Variants in CDH23 observed in about 807,000 individuals in gnomAD.
CDH23 encodes the protein cadherin related 23.
In CDH23, 189 loss-of-function variants were observed where a neutral mutation model predicts 317.1. The ratio of observed to expected loss-of-function variants is 0.60; its 90% confidence interval spans 0.53 to 0.67. The LOEUF (loss-of-function observed/expected upper bound fraction) is 0.67. Ranked by LOEUF, CDH23 falls within the 30% of genes least tolerant of loss-of-function variation. The pLI is 0.00. For synonymous variants in CDH23, 1,839 were observed against 1,876.8 expected, an observed-to-expected ratio of 0.98 and a Z score of 0.52; for missense variants, 4,401 against 4,592.4, an observed-to-expected ratio of 0.96 and a Z score of 1.20.
At chr10:71,696,844 C>A (rs189399978) in intron 22 of CDH23, among the ~76,000 whole-genome samples, 1 of 152,348 alleles carries the variant, frequency 6.6e-6, no homozygotes, top group East Asian at 1.9e-4. Context: ...GAAACCAGGA[C>A]CCTCGCCCTT....
At chr10:71,708,141 G>T (rs1037530099) in intron 26 of CDH23, among the ~76,000 whole-genome samples, 1 of 152,160 alleles carries the variant, frequency 6.6e-6, no homozygotes, top group Non-Finnish European at 1.5e-5. Flanking sequence ...GTCAGAGTGT[G>T]TCCCTTGCAG....
At position 71,778,324 on chromosome 10, in the gene CDH23, A is replaced by T; in HGVS notation, c.5187+16A>T. The T allele has an allele frequency of 6.2e-7, 1 of 1,613,784 alleles. No homozygotes were observed. The highest frequency in any genetic ancestry group is 1.6e-4 in the Middle Eastern group (1 of 6,062). On this transcript the variant is annotated intron_variant, in intron 40 of 69. Coordinates refer to ENST00000224721, the MANE Select transcript of CDH23 (RefSeq NM_022124.6). ...TACCACCACGGTGGGTGCATGGGAC[A>T]CAGCCCCAACTTGGGCTTGGAGGTT...
intron 9 of CDH23, among the ~76,000 whole-genome samples, chr10:71,591,884 C>T (rs1159832069): frequency 1.3e-5 from 2 of 152,064 alleles, no homozygotes; most frequent in Non-Finnish European, 2.9e-5. Context: ...ACCCACACGG[C>T]AATGTTTTTG....
chr10:71,646,763 TAA>T lies in CDH23; in HGVS notation c.1449+148_1449+149del, dbSNP rs727502921. ...GAGCTGTGTTTGTTGGTGTATTAAA[TAA>T]AGTTTTTGGACTCTTCAGGAAGGGG... On this transcript the variant is annotated intron_variant, in intron 14 of 69. Coordinates refer to ENST00000224721, the MANE Select transcript of CDH23 (RefSeq NM_022124.6). The T allele has an allele frequency of 1.9e-6, 3 of 1,595,948 alleles. No individual in the cohort carries two copies. Among genetic ancestry groups the T allele is most frequent in the South Asian group, 1.1e-5 (1 of 89,776 alleles).
chr10:71,462,232 G>A (rs1307876550), intron 3 of CDH23, among the ~76,000 whole-genome samples: 3 of 152,236 alleles, frequency 2.0e-5, no homozygotes, highest in African/African-American at 7.2e-5. Flanking sequence ...GCCCGGCCCC[G>A]CCTTGTGTGT....
At chr10:71,514,636 C>T (rs1001088846) in intron 6 of CDH23, among the ~76,000 whole-genome samples, 6 of 152,198 alleles carry the variant, frequency 3.9e-5, no homozygotes, top group African/African-American at 1.4e-4. Flanking sequence ...CGTTCCCCTC[C>T]TGCCCACCCC....
intron 14 of CDH23, among the ~76,000 whole-genome samples, chr10:71,658,718 C>T (rs1863521061): frequency 6.6e-6 from 1 of 152,184 alleles, no homozygotes; most frequent in Non-Finnish European, 1.5e-5. Flanking sequence ...AGGTGAGCGG[C>T]GTGTCCCAGG....
At chr10:71,434,566 T>C (rs1849536386) in intron 1 of CDH23, among the ~76,000 whole-genome samples, 1 of 152,114 alleles carries the variant, frequency 6.6e-6, no homozygotes, top group Non-Finnish European at 1.5e-5. Flanking sequence ...ACTCCATGGA[T>C]GCTGTCACTG....
At chr10:71,520,935 G>A (rs781505942) in intron 6 of CDH23, among the ~76,000 whole-genome samples, 7 of 152,164 alleles carry the variant, frequency 4.6e-5, no homozygotes, top group Non-Finnish European at 8.8e-5. Context: ...GGGGGAAAAC[G>A]AGACAGAGCG....
In CDH23 at chr10:71,704,963, T is replaced by C. The variant is rs1298382473; in HGVS notation, c.2786T>C (p.Met929Thr). ...CTGAACGGCCTGGTGTCCTACCGCA[T>C]GCCGGTGGGCATGCCCCGCATGGAC... is the stretch of plus-strand genomic sequence containing the variant. ...EGLNGLVSYR[M>T]PVGMPRMDFL... Residue 929 changes from methionine to threonine, a missense_variant, in exon 25 of 70, where the codon ATG becomes ACG. Transcript: ENST00000224721. 4 of 1,612,908 alleles carry C rather than the reference T, an allele frequency of 2.5e-6. No individual in the cohort carries two copies. The African/African-American group carries it at 4.0e-5, about 16-fold the overall frequency.
chr10:71,798,306 C>A, intron 49 of CDH23, 48 bp from the exon 50 acceptor site: 2 of 1,447,664 alleles, frequency 1.4e-6, no homozygotes, highest in Non-Finnish European at 1.9e-6. Flanking sequence ...CCTGGCCCAG[C>A]CACACTAGTG....
At chr10:71,405,703 GC>G (rs1848066320) in intron 1 of CDH23, among the ~76,000 whole-genome samples, 1 of 152,172 alleles carries the variant, frequency 6.6e-6, no homozygotes, top group African/African-American at 2.4e-5. Context: ...CTCCCAAAGT[GC>G]TGGGATTATA....
At chr10:71,607,525 G>C (rs1860603655) in intron 9 of CDH23, among the ~76,000 whole-genome samples, 1 of 152,242 alleles carries the variant, frequency 6.6e-6, no homozygotes, top group Non-Finnish European at 1.5e-5. Flanking sequence ...CTCAATCTAT[G>C]TTGGCCATTG....
intron 6 of CDH23, among the ~76,000 whole-genome samples, chr10:71,529,330 A>G (rs2132254987): frequency 6.6e-6 from 1 of 152,250 alleles, no homozygotes; most frequent in Non-Finnish European, 1.5e-5. Context: ...CCAGGGTGGC[A>G]ACAGCCAGTT....
chr10:71,734,232 C>G lies in CDH23; in HGVS notation c.4105-8C>G. ...TTGTCACTCACCCATCTGGCCCCTT[C>G]CCTGCAGGGTGTGATCACAGTCCAG... On this transcript the variant is annotated splice_region_variant and splice_polypyrimidine_tract_variant and intron_variant, in intron 32 of 69. Coordinates refer to ENST00000224721, the MANE Select transcript of CDH23 (RefSeq NM_022124.6). The G allele has an allele frequency of 6.2e-7, 1 of 1,603,118 alleles. No individual in the cohort carries two copies. The highest frequency in any genetic ancestry group is 8.5e-7 in the Non-Finnish European group (1 of 1,174,780).
chr10:71,449,763 T>G (rs1456373339), intron 3 of CDH23, among the ~76,000 whole-genome samples: 1 of 152,206 alleles, frequency 6.6e-6, no homozygotes, highest in East Asian at 1.9e-4. Flanking sequence ...CTTCTGAGCC[T>G]TCTCGTTTTG....
At position 71,702,171 on chromosome 10, in the gene CDH23, G is replaced by A. The variant is rs1865612879; in HGVS notation, c.2547G>A (p.Glu849=). The part of the protein sequence containing the change: ...MLDRENPDPH[E]AELMRKIVVS... ...ACCGGGAGAACCCCGACCCCCATGAGGCCGAGCTGATGCGCAAAATCGTCG... is the reference window on the plus strand; with the variant it reads ...ACCGGGAGAACCCCGACCCCCATGAAGCCGAGCTGATGCGCAAAATCGTCG... The change falls in exon 23 of 70, where the codon GAG becomes GAA. Residue 849 remains glutamate, a synonymous_variant. Transcript: ENST00000224721. 6.2e-7 allele frequency: 1 copy of A among 1,613,762 alleles called. No homozygotes were observed. The highest frequency in any genetic ancestry group is 1.3e-5 in the African/African-American group (1 of 74,928).
intron 11 of CDH23, among the ~76,000 whole-genome samples, chr10:71,619,032 A>G (rs1564691338): frequency 6.6e-6 from 1 of 152,304 alleles, no homozygotes; most frequent in East Asian, 1.9e-4. Context: ...TACAGTACGT[A>G]CATTTTAAAA....
chr10:71,460,914 C>A (rs1410581458), intron 3 of CDH23, among the ~76,000 whole-genome samples: 2 of 152,224 alleles, frequency 1.3e-5, no homozygotes, highest in Non-Finnish European at 2.9e-5. Context: ...GTTTCTTACA[C>A]CTGTCTCCCC....
Sources: gnomAD v4.1 joint callset for allele counts (sites outside exome capture counted in the v4.1 genomes callset) on GRCh38, gnomAD v4.1.1 for gene constraint, MANE v1.5 for transcripts, NCBI Gene and HGNC (gene_info 2026-07-23, HGNC 2026-07-21) for gene names.